The following TCF4 variants were observed in gnomAD, a reference collection of about 807,000 sequenced individuals.
TCF4 encodes the protein SL3-3 enhancer factor 2.
TCF4 carries 3 observed loss-of-function variants against 82.1 expected under a neutral mutation model. The observed-to-expected ratio is 0.04, with a 90% CI of 0.02 to 0.09. The LOEUF (loss-of-function observed/expected upper bound fraction) is 0.09, where lower values mean the gene tolerates loss of function less well. Ranked by LOEUF, TCF4 falls within the 10% of genes least tolerant of loss-of-function variation. The pLI, the probability that TCF4 is intolerant of heterozygous loss-of-function variation, is 1.00. For missense variants in TCF4, 518 were observed against 852.7 expected, an observed-to-expected ratio of 0.61 and a Z score of 4.89; for synonymous variants, 276 against 309.6, an observed-to-expected ratio of 0.89 and a Z score of 1.14.
intron 9 of TCF4, among the ~76,000 whole-genome samples, chr18:55,279,145 A>C (rs1229340933): frequency 6.6e-6 from 1 of 152,124 alleles, no homozygotes; most frequent in Non-Finnish European, 1.5e-5. Flanking sequence ...ATTTTACATA[A>C]GGTTATACAT....
At chr18:55,419,437 A>G (rs895309556) in intron 5 of TCF4, among the ~76,000 whole-genome samples, 1 of 152,206 alleles carries the variant, frequency 6.6e-6, no homozygotes, top group African/African-American at 2.4e-5. Context: ...TTGCAGGTTC[A>G]CTAAATGATA....
At chr18:55,228,457 G>T in intron 18 of TCF4, 96 bp from the exon 19 acceptor site, 1 of 1,522,588 alleles carries the variant, frequency 6.6e-7, no homozygotes, top group Non-Finnish European at 9.0e-7. Context: ...CTTTTTCTCA[G>T]TGTTTATATT....
chr18:55,250,049 C>G (rs1278274376), intron 15 of TCF4, among the ~76,000 whole-genome samples: 1 of 152,146 alleles, frequency 6.6e-6, no homozygotes, highest in Non-Finnish European at 1.5e-5. Context: ...GGGAATCATA[C>G]TTGGTAAGAG....
At chr18:55,306,786 T>C (rs1299079976) in intron 8 of TCF4, among the ~76,000 whole-genome samples, 2 of 152,244 alleles carry the variant, frequency 1.3e-5, no homozygotes, top group Non-Finnish European at 2.9e-5. Context: ...TGCTTTAAAA[T>C]TGGATTCAAA....
At chr18:55,317,498 C>T (rs534248491) in intron 8 of TCF4, among the ~76,000 whole-genome samples, 2 of 152,062 alleles carry the variant, frequency 1.3e-5, no homozygotes, top group African/African-American at 4.8e-5. Flanking sequence ...TACCTATGTC[C>T]TATGTGTGGC....
chr18:55,230,168 A>AG (rs2047493363), intron 17 of TCF4: 1 of 148,052 alleles, frequency 6.8e-6, no homozygotes, highest in Admixed American at 6.8e-5. Flanking sequence ...AAAAAAAAAA[A>AG]GCCAAAAGGT....
intron 8 of TCF4, among the ~76,000 whole-genome samples, chr18:55,341,119 T>G (rs2079853329): frequency 6.6e-6 from 1 of 152,234 alleles, no homozygotes; most frequent in South Asian, 2.1e-4. Context: ...CTTGCTAACT[T>G]AATGACAACC....
chr18:55,272,761 A>G (rs2060650856), intron 10 of TCF4, among the ~76,000 whole-genome samples: 1 of 152,026 alleles, frequency 6.6e-6, no homozygotes. Context: ...GCCTCTACGC[A>G]CTGGATTCCA....
chr18:55,590,645 T>C (rs148466106), upstream of TCF4, among the ~76,000 whole-genome samples: 149 of 152,328 alleles, frequency 9.8e-4, 1 homozygote, highest in East Asian at 0.02. Flanking sequence ...AATCAACTGA[T>C]ACCGCTAACC....
chr18:55,619,935 T>A (rs1294575457), intron 2 of TCF4, among the ~76,000 whole-genome samples: 1 of 152,198 alleles, frequency 6.6e-6, no homozygotes, highest in East Asian at 1.9e-4. Context: ...AAATCTCACC[T>A]TGAATTGTAA....
intron 18 of TCF4, 105 bp downstream of exon 18, chr18:55,228,742 T>C: frequency 1.7e-6 from 2 of 1,179,582 alleles, no homozygotes; most frequent in South Asian, 2.6e-5. Flanking sequence ...GGAATGATGC[T>C]TGAAAGTCTA....
At chr18:55,228,071 T>C (rs2046839109) in intron 19 of TCF4, 41 bp from the exon 20 acceptor site, 3 of 994,388 alleles carry the variant, frequency 3.0e-6, no homozygotes, top group Non-Finnish European at 4.4e-6. Context: ...ATTAATATAT[T>C]TGTAACAGAA....
intron 15 of TCF4, among the ~76,000 whole-genome samples, chr18:55,237,907 T>C (rs1215146244): frequency 6.6e-6 from 1 of 152,258 alleles, no homozygotes; most frequent in Non-Finnish European, 1.5e-5. Flanking sequence ...CACAGTGGAC[T>C]GTCGGCACAA....
chr18:55,445,613 A>C (rs1415815995), intron 5 of TCF4, among the ~76,000 whole-genome samples: 1 of 152,156 alleles, frequency 6.6e-6, no homozygotes, highest in Non-Finnish European at 1.5e-5. Context: ...ATATGTGGGG[A>C]TTATGAGAGC....
At chr18:55,517,359 G>C (rs901171522) in intron 3 of TCF4, among the ~76,000 whole-genome samples, 1 of 152,158 alleles carries the variant, frequency 6.6e-6, no homozygotes, top group African/African-American at 2.4e-5. Context: ...CAATTCAGTT[G>C]ATGGCTCCCT....
chr18:55,377,471 CA>C (rs1290487485), intron 6 of TCF4, among the ~76,000 whole-genome samples: 1 of 152,166 alleles, frequency 6.6e-6, no homozygotes, highest in Admixed American at 6.5e-5. Context: ...CTGTTATTAT[CA>C]GGAAAAATAT....
At chr18:55,321,963 C>T (rs971773888) in intron 8 of TCF4, 2 of 1,320,346 alleles carry the variant, frequency 1.5e-6, no homozygotes, top group African/African-American at 1.5e-5. Flanking sequence ...GCAGCCCGGC[C>T]CTGATGGAGC....
chr18:55,387,433 A>G (rs1441654737), intron 6 of TCF4, among the ~76,000 whole-genome samples: 2 of 152,212 alleles, frequency 1.3e-5, no homozygotes, highest in Non-Finnish European at 2.9e-5. Flanking sequence ...AAGCTTTTAC[A>G]TATTTAGGGA....
intron 5 of TCF4, among the ~76,000 whole-genome samples, chr18:55,406,553 A>G (rs2094099937): frequency 6.6e-6 from 1 of 152,198 alleles, no homozygotes; most frequent in African/African-American, 2.4e-5. Flanking sequence ...GTTTCAGATA[A>G]TAAAATTTTC....
Sources: gnomAD v4.1 joint callset for allele counts (sites outside exome capture counted in the v4.1 genomes callset) on GRCh38, gnomAD v4.1.1 for gene constraint, MANE v1.5 for transcripts, NCBI Gene and HGNC (gene_info 2026-07-23, HGNC 2026-07-21) for gene names.